SNTG1: variants seen among roughly 807,000 people sequenced by gnomAD.
SNTG1 encodes the protein syntrophin gamma 1, also known as gamma-1-syntrophin.
SNTG1 carries 39 observed loss-of-function variants against 74.7 expected under a neutral mutation model. That is an observed-to-expected ratio of 0.52 (90% CI 0.40 to 0.68). SNTG1 has a LOEUF of 0.68. SNTG1 is among the 30% of genes least tolerant of loss of function. The pLI, the probability that SNTG1 is intolerant of heterozygous loss-of-function variation, is 0.00. For missense variants in SNTG1, 685 were observed against 609.5 expected (o/e 1.12, Z -1.30); for synonymous variants, 254 against 217.1 (o/e 1.17, Z -1.49).
At chr8:50,309,712 C>T (rs2090035392) in intron 2 of SNTG1, among the ~76,000 whole-genome samples, 1 of 152,114 alleles carries the variant, frequency 6.6e-6, no homozygotes, top group African/African-American at 2.4e-5. Flanking sequence ...GTGACATTGG[C>T]TTCTGAGAGA....
intron 3 of SNTG1, among the ~76,000 whole-genome samples, chr8:50,401,398 A>T (rs1444395146): frequency 6.6e-6 from 1 of 152,204 alleles, no homozygotes; most frequent in Non-Finnish European, 1.5e-5. Flanking sequence ...TTTGGTGATT[A>T]CTAAGATAAT....
chr8:49,937,307 G>T (rs1260156533), intron 1 of SNTG1, among the ~76,000 whole-genome samples: 1 of 152,174 alleles, frequency 6.6e-6, no homozygotes. Context: ...AGCTGCCTGG[G>T]ACAGGAAGAA....
chr8:50,337,907 C>T (rs1010800158), intron 2 of SNTG1, among the ~76,000 whole-genome samples: 36 of 152,214 alleles, frequency 2.4e-4, no homozygotes, highest in African/African-American at 7.2e-4. Context: ...GAGGCCAAGG[C>T]GGGCGGATCA....
chr8:50,509,140 G>A (rs575686914), intron 9 of SNTG1, among the ~76,000 whole-genome samples: 1 of 152,256 alleles, frequency 6.6e-6, no homozygotes, highest in East Asian at 1.9e-4. Flanking sequence ...TCTACATATG[G>A]CTAGCCAGTT....
intron 18 of SNTG1, among the ~76,000 whole-genome samples, chr8:50,769,242 C>A (rs906664864): frequency 1.3e-5 from 2 of 151,786 alleles, no homozygotes; most frequent in Non-Finnish European, 2.9e-5. Flanking sequence ...ATATTAACTG[C>A]CTCCAAAATA....
intron 2 of SNTG1, among the ~76,000 whole-genome samples, chr8:50,176,157 G>A (rs2082992859): frequency 6.6e-6 from 1 of 152,072 alleles, no homozygotes; most frequent in Admixed American, 6.6e-5. Flanking sequence ...GTGTTTTGGG[G>A]ATGTCTGAGG....
chr8:50,194,754 C>T (rs969885132), intron 2 of SNTG1, among the ~76,000 whole-genome samples: 1 of 151,868 alleles, frequency 6.6e-6, no homozygotes, highest in Non-Finnish European at 1.5e-5. Flanking sequence ...TGAGATGTGA[C>T]CTTAGAATGT....
intron 1 of SNTG1, among the ~76,000 whole-genome samples, chr8:49,933,823 T>C (rs1393167129): frequency 6.6e-6 from 1 of 152,214 alleles, no homozygotes; most frequent in African/African-American, 2.4e-5. Context: ...TGCTTATTAA[T>C]TCATGTGATG....
At chr8:50,042,240 A>G (rs1818698208) in intron 1 of SNTG1, among the ~76,000 whole-genome samples, 1 of 152,170 alleles carries the variant, frequency 6.6e-6, no homozygotes, top group Non-Finnish European at 1.5e-5. Context: ...ATCTGTTCCC[A>G]TCTCTTCATT....
At chr8:50,062,763 T>C (rs748284192) in intron 1 of SNTG1, among the ~76,000 whole-genome samples, 23 of 152,252 alleles carry the variant, frequency 1.5e-4, no homozygotes, top group Admixed American at 7.2e-4. Flanking sequence ...AATGGTTTAA[T>C]GTATACATTT....
chr8:50,242,230 T>C (rs2086195806), intron 2 of SNTG1, among the ~76,000 whole-genome samples: 1 of 152,020 alleles, frequency 6.6e-6, no homozygotes, highest in Non-Finnish European at 1.5e-5. Flanking sequence ...GCTGATGCTC[T>C]AAGAAGATGT....
At chr8:50,317,050 C>T (rs909912767) in intron 2 of SNTG1, among the ~76,000 whole-genome samples, 2 of 151,980 alleles carry the variant, frequency 1.3e-5, no homozygotes, top group African/African-American at 4.8e-5. Flanking sequence ...TCACTGAAGC[C>T]CAAGATAAAT....
At chr8:50,521,588 T>C (rs183260996) in intron 9 of SNTG1, among the ~76,000 whole-genome samples, 16 of 152,286 alleles carry the variant, frequency 1.1e-4, no homozygotes, top group African/African-American at 3.4e-4. Context: ...GTTTGTCACA[T>C]TCATTAACTC....
chr8:50,622,959 T>A (rs1409271028), intron 13 of SNTG1, among the ~76,000 whole-genome samples: 1 of 152,162 alleles, frequency 6.6e-6, no homozygotes, highest in East Asian at 1.9e-4. Flanking sequence ...TTTATAAGTG[T>A]TTTTAAAAAT....
At chr8:50,403,989 G>A (rs1204926514) in intron 4 of SNTG1, among the ~76,000 whole-genome samples, 1 of 152,108 alleles carries the variant, frequency 6.6e-6, no homozygotes, top group Non-Finnish European at 1.5e-5. Flanking sequence ...AATTATACAG[G>A]AAGAGGCAAA....
chr8:50,431,331 G>T lies in SNTG1; in HGVS notation c.163-7212G>T, dbSNP rs146434779. Among the ~76,000 whole-genome samples the T allele has an allele frequency of 3.5e-3, 527 of 152,218 alleles. 3 individuals are homozygous for T. Among genetic ancestry groups the T allele is most frequent in the African/African-American group, 0.012 (507 of 41,538 alleles). Reference sequence around the variant, plus strand: ...TCTGATAGGAGATATTGATAACATGGGAGGCTATGCATGCAGAATCTCCAT... The same window carrying T: ...TCTGATAGGAGATATTGATAACATGTGAGGCTATGCATGCAGAATCTCCAT... On this transcript the variant is annotated intron_variant, in intron 4 of 18. Coordinates refer to ENST00000642720, the MANE Select transcript of SNTG1 (RefSeq NM_018967.5).
At chr8:50,250,532 G>A (rs879485156) in intron 2 of SNTG1, among the ~76,000 whole-genome samples, 10 of 151,974 alleles carry the variant, frequency 6.6e-5, no homozygotes, top group African/African-American at 9.7e-5. Flanking sequence ...AAATGTCAAA[G>A]GTTAAAGACA....
At chr8:49,925,423 C>T (rs1326953895) in intron 1 of SNTG1, among the ~76,000 whole-genome samples, 1 of 151,770 alleles carries the variant, frequency 6.6e-6, no homozygotes, top group Non-Finnish European at 1.5e-5. Flanking sequence ...TTTACCTGAA[C>T]TAATTTGCCT....
At chr8:50,246,589 C>A (rs2129789742) in intron 2 of SNTG1, among the ~76,000 whole-genome samples, 1 of 151,690 alleles carries the variant, frequency 6.6e-6, no homozygotes, top group Admixed American at 6.6e-5. Context: ...CTAATGATTT[C>A]CCTCGAAATT....
Sources: gnomAD v4.1 joint callset for allele counts (sites outside exome capture counted in the v4.1 genomes callset) on GRCh38, gnomAD v4.1.1 for gene constraint, MANE v1.5 for transcripts, NCBI Gene and HGNC (gene_info 2026-07-23, HGNC 2026-07-21) for gene names.